Variants in RAPGEF5 observed in about 807,000 individuals in gnomAD.
RAPGEF5 encodes M-Ras-regulated GEF.
In RAPGEF5, 65 loss-of-function variants were observed where a neutral mutation model predicts 125.2. That is an observed-to-expected ratio of 0.52 (90% confidence interval 0.43 to 0.64). The LOEUF (loss-of-function observed/expected upper bound fraction) is 0.64. Ranked by LOEUF, RAPGEF5 falls within the 30% of genes least tolerant of loss-of-function variation. The pLI is 0.00. For synonymous variants in RAPGEF5, 391 were observed against 385.9 expected (o/e 1.01, Z -0.16); for missense variants, 958 against 1,048.1 (o/e 0.91, Z 1.19).
At chr7:22,186,176 A>G (rs1218713186) in intron 11 of RAPGEF5, among the ~76,000 whole-genome samples, 1 of 152,198 alleles carries the variant, frequency 6.6e-6, no homozygotes, top group Non-Finnish European at 1.5e-5. Flanking sequence ...CCTTGGATAA[A>G]GCGATTTTCA....
chr7:22,272,238 G>T (rs12673791), intron 6 of RAPGEF5, among the ~76,000 whole-genome samples: 12,642 of 151,044 alleles, frequency 0.084, 751 homozygotes, highest in East Asian at 0.32. Flanking sequence ...AGCTACTCGG[G>T]AGGCCTAGGC....
rs1444647117 is a variant in RAPGEF5 at position 22,194,031 on chromosome 7, T to G, written c.999A>C (p.Gln333His). The change falls in exon 10 of 26, where the codon CAA becomes CAC. Residue 333 changes from glutamine (Q) to histidine (H), a missense_variant and splice_region_variant. Gln to His is a conservative substitution (Grantham distance 24). Coordinates refer to ENST00000665637, the MANE Select transcript of RAPGEF5 (RefSeq NM_012294.5). Reference protein sequence around the residue: ...DKKEQEKSEHQDDEVTTVQVK... With the variant: ...DKKEQEKSEHHDDEVTTVQVK... ...CCTGAACAGTCGTCACTTCATCATCTTGCTTTAATTGTGGACAGGGATGAT... is the reference window on the plus strand; with the variant it reads ...CCTGAACAGTCGTCACTTCATCATCGTGCTTTAATTGTGGACAGGGATGAT... 2 of 1,610,856 alleles carry G rather than the reference T, an allele frequency of 1.2e-6. No individual in the cohort carries two copies. Among genetic ancestry groups the G allele is most frequent in the Non-Finnish European group, 1.7e-6 (2 of 1,178,328 alleles).
At chr7:22,154,410 G>T in intron 17 of RAPGEF5, 45 bp downstream of exon 17, 3 of 1,601,206 alleles carry the variant, frequency 1.9e-6, no homozygotes, top group Non-Finnish European at 2.6e-6. Flanking sequence ...TCCTTTTGAA[G>T]GAGATCAGTG....
In RAPGEF5 at chr7:22,248,470, G is replaced by T. The variant is rs193136458; in HGVS notation, c.797-17551C>A. On this transcript the variant is annotated intron_variant, in intron 7 of 25. Coordinates refer to ENST00000665637, the MANE Select transcript of RAPGEF5 (RefSeq NM_012294.5). ...GACTGGGTGTGTTGCTGTAATACTT[G>T]TGAGGCCCAGTGATGGAATCTGCCC... Among the ~76,000 whole-genome samples the T allele has an allele frequency of 2.0e-5, 3 of 152,278 alleles. No individual in the cohort carries two copies. In the East Asian group the frequency reaches 5.8e-4, roughly 29 times the overall value.
intron 10 of RAPGEF5, 166 bp downstream of exon 10, chr7:22,193,746 GGCT>G (rs774893521): frequency 1.8e-5 from 28 of 1,562,546 alleles, no homozygotes; most frequent in Non-Finnish European, 2.3e-5. Flanking sequence ...GAGTCCATCT[GGCT>G]GCTAAGAGCT....
At chr7:22,241,210 C>G (rs1786321780) in intron 7 of RAPGEF5, among the ~76,000 whole-genome samples, 1 of 152,112 alleles carries the variant, frequency 6.6e-6, no homozygotes, top group Non-Finnish European at 1.5e-5. Context: ...TTTATTGCAA[C>G]TTTTTGCCAC....
chr7:22,273,311 C>A (rs977214980), intron 6 of RAPGEF5, among the ~76,000 whole-genome samples: 12 of 147,130 alleles, frequency 8.2e-5, no homozygotes, highest in Non-Finnish European at 1.5e-5. Flanking sequence ...CTCCGCCTCC[C>A]GGGTTCACGC....
chr7:22,266,667 C>T (rs1640182870), intron 7 of RAPGEF5, among the ~76,000 whole-genome samples: 1 of 152,030 alleles, frequency 6.6e-6, no homozygotes, highest in Non-Finnish European at 1.5e-5. Context: ...TGTCATGTAC[C>T]TAGATCCTTA....
intron 4 of RAPGEF5, among the ~76,000 whole-genome samples, chr7:22,309,687 G>T (rs916064285): frequency 2.6e-5 from 4 of 152,174 alleles, no homozygotes; most frequent in Admixed American, 1.3e-4. Flanking sequence ...AAAAAAGTTT[G>T]TAAGCAGCAT....
At chr7:22,353,472 C>A (rs975705271) in intron 1 of RAPGEF5, among the ~76,000 whole-genome samples, 1 of 152,124 alleles carries the variant, frequency 6.6e-6, no homozygotes, top group Admixed American at 6.5e-5. Flanking sequence ...AGTAAGACAA[C>A]ATGATGTACG....
At chr7:22,331,316 T>C (rs1266543662) in intron 1 of RAPGEF5, among the ~76,000 whole-genome samples, 3 of 152,204 alleles carry the variant, frequency 2.0e-5, no homozygotes, top group African/African-American at 7.2e-5. Flanking sequence ...AATGGAATGA[T>C]TGAATCTTAT....
intron 7 of RAPGEF5, among the ~76,000 whole-genome samples, chr7:22,245,346 T>C (rs988028121): frequency 5.3e-5 from 8 of 152,206 alleles, no homozygotes; most frequent in African/African-American, 1.4e-4. Flanking sequence ...TTCGCTTTTA[T>C]TGCTTGTGCT....
intron 18 of RAPGEF5, among the ~76,000 whole-genome samples, 177 bp from the exon 19 acceptor site, chr7:22,147,196 T>C: frequency 6.6e-6 from 1 of 152,234 alleles, no homozygotes; most frequent in South Asian, 2.1e-4. Flanking sequence ...GGAAACGGTC[T>C]TGGGAACAGT....
At chr7:22,342,396 C>G (rs1206895717) in intron 1 of RAPGEF5, among the ~76,000 whole-genome samples, 1 of 152,212 alleles carries the variant, frequency 6.6e-6, no homozygotes, top group African/African-American at 2.4e-5. Flanking sequence ...GGACCTTTTT[C>G]TGCTTCACAA....
chr7:22,227,267 A>G (rs1246451386), intron 8 of RAPGEF5, among the ~76,000 whole-genome samples: 2 of 152,278 alleles, frequency 1.3e-5, no homozygotes, highest in East Asian at 3.9e-4. Flanking sequence ...AAACTCGAAT[A>G]ATATCAAACA....
chr7:22,282,686 G>T (rs560355710), intron 6 of RAPGEF5, among the ~76,000 whole-genome samples: 4 of 152,170 alleles, frequency 2.6e-5, no homozygotes, highest in Admixed American at 6.5e-5. Flanking sequence ...GTATCAAAAT[G>T]CCTGTGCAAG....
intron 7 of RAPGEF5, among the ~76,000 whole-genome samples, chr7:22,249,331 C>T (rs1038313519): frequency 6.6e-6 from 1 of 152,034 alleles, no homozygotes; most frequent in Non-Finnish European, 1.5e-5. Context: ...TAGCTACAGG[C>T]ATGCACCATC....
At chr7:22,156,631 T>A (rs1783817239) in intron 16 of RAPGEF5, among the ~76,000 whole-genome samples, 179 bp downstream of exon 16, 1 of 152,196 alleles carries the variant, frequency 6.6e-6, no homozygotes. Context: ...TATTATGTGA[T>A]CTAAGAAAAC....
chr7:22,342,191 C>T (rs762014768), intron 1 of RAPGEF5, among the ~76,000 whole-genome samples: 1 of 152,216 alleles, frequency 6.6e-6, no homozygotes, highest in African/African-American at 2.4e-5. Flanking sequence ...TTGGAGCTTC[C>T]ACCCTCTGAA....
Sources: allele counts gnomAD v4.1 joint callset (sites outside exome capture counted in the v4.1 genomes callset), GRCh38; gene constraint gnomAD v4.1.1; transcripts MANE v1.5; gene names NCBI Gene and HGNC (gene_info 2026-07-23, HGNC 2026-07-21).